Variants in ZFPM1 observed in about 807,000 individuals in gnomAD.
The protein encoded by ZFPM1 is zinc finger protein, FOG family member 1, also known as zinc finger protein ZFPM1.
Under a neutral mutation model 46.3 loss-of-function variants are expected in ZFPM1, and 28 were observed. That is an observed-to-expected ratio of 0.60 (90% confidence interval 0.45 to 0.83). The LOEUF is 0.83. Ranked by LOEUF, ZFPM1 falls within the 40% of genes least tolerant of loss-of-function variation. The pLI, the probability that ZFPM1 is intolerant of heterozygous loss-of-function variation, is 0.00. For synonymous variants in ZFPM1, 957 were observed against 675.9 expected (o/e 1.42, Z -6.45); for missense variants, 1,878 against 1,432.4 (o/e 1.31, Z -5.02).
At chr16:88,529,747 C>G (rs1912635473) in intron 6 of ZFPM1, among the ~76,000 whole-genome samples, 1 of 152,192 alleles carries the variant, frequency 6.6e-6, no homozygotes, top group African/African-American at 2.4e-5. Context: ...ACTACTGGTC[C>G]TGACAGTGCA....
In ZFPM1 at chr16:88,532,601, C is replaced by T; in HGVS notation, c.947-13C>T. 6.4e-7 allele frequency: 1 copy of T among 1,556,624 alleles called. No individual in the cohort carries two copies. Among genetic ancestry groups the T allele is most frequent in the Non-Finnish European group, 8.7e-7 (1 of 1,149,958 alleles). The stretch of plus-strand genomic sequence containing the variant: ...CTGGCCCGGGCACCGCTCTTACGCG[C>T]CCTGTGTTCCAGGAGAGCGGCCCTT... On this transcript the variant is annotated splice_polypyrimidine_tract_variant and intron_variant, in intron 7 of 9. Coordinates refer to ENST00000319555, the MANE Select transcript of ZFPM1 (RefSeq NM_153813.3).
intron 1 of ZFPM1, among the ~76,000 whole-genome samples, chr16:88,457,510 G>C (rs777415848): frequency 2.6e-5 from 4 of 152,246 alleles, no homozygotes; most frequent in Non-Finnish European, 5.9e-5. Context: ...CCTTGGCCCA[G>C]TTGCCTCGTC....
rs908543369 is a variant in ZFPM1, at chr16:88,533,929, C to A, written c.1971C>A (p.Gly657=). 2 of 1,246,534 alleles carry A rather than the reference C, an allele frequency of 1.6e-6. No homozygotes were observed. Among genetic ancestry groups the A allele is most frequent in the Admixed American group, 3.1e-5 (1 of 32,018 alleles). The allele number at this position is 1,246,534 out of a possible 1,614,324, so 77.2% of individuals were successfully genotyped here. Residue 657 remains glycine, a synonymous_variant, in exon 10 of 10, where the codon GGC becomes GGA. Transcript: ENST00000319555. The part of the protein sequence containing the change: ...GAGGAATPED[G]AGGRGSEGSQ... ...GGGGCGCGGCCACGCCCGAGGACGG[C>A]GCGGGCGGCCGGGGCAGCGAGGGCA...
intron 2 of ZFPM1, 45 bp from the exon 3 acceptor site, chr16:88,488,986 T>A (rs1909400440): frequency 1.3e-6 from 2 of 1,585,940 alleles, no homozygotes; most frequent in Admixed American, 3.4e-5. Flanking sequence ...GGCAGCTCAG[T>A]GCCCGGCACT....
chr16:88,487,180 T>TC (rs527314663), intron 2 of ZFPM1, among the ~76,000 whole-genome samples: 145 of 152,228 alleles, frequency 9.5e-4, no homozygotes, highest in African/African-American at 3.4e-3. Flanking sequence ...AGAAGGGGCC[T>TC]CCCTGGGACA....
At chr16:88,485,034 G>A (rs931280422) in intron 1 of ZFPM1, among the ~76,000 whole-genome samples, 5 of 152,214 alleles carry the variant, frequency 3.3e-5, no homozygotes, top group African/African-American at 4.8e-5. Flanking sequence ...GTCTGTGAGC[G>A]CCTCCTTTGT....
rs538452205 is a variant in ZFPM1, at chr16:88,471,416, G to T, written c.41-14523G>T. 6.6e-6 allele frequency among the ~76,000 whole-genome samples: 1 copy of T among 150,896 alleles called. No homozygotes were observed. Among genetic ancestry groups the T allele is most frequent in the Non-Finnish European group, 1.5e-5 (1 of 68,006 alleles). On this transcript the variant is annotated intron_variant, in intron 1 of 9. Transcript: ENST00000319555. The surrounding 1 kb of genome is among the most constrained non-coding windows in gnomAD (Gnocchi z 4.1). Reference sequence around the variant, plus strand: ...GCCCACAGTGGCTCCCACGCATAGTGGGGGGGCCAAGACCCCAAGATGACC... The same window carrying T: ...GCCCACAGTGGCTCCCACGCATAGTTGGGGGGCCAAGACCCCAAGATGACC...
At chr16:88,523,839 C>T (rs1246926710) in intron 4 of ZFPM1, among the ~76,000 whole-genome samples, 1 of 152,202 alleles carries the variant, frequency 6.6e-6, no homozygotes, top group Non-Finnish European at 1.5e-5. Flanking sequence ...ACCCTCCTTC[C>T]CCCTGCCCCT....
chr16:88,534,410 G>A lies in ZFPM1; in HGVS notation c.2452G>A (p.Glu818Lys), dbSNP rs754801110. Residue 818 changes from glutamate (E) to lysine (K), a missense_variant, in exon 10 of 10, where the codon GAG (glutamate) becomes AAG (lysine). By Grantham distance (56) the Glu-to-Lys change is moderately conservative. Coordinates refer to ENST00000319555, the MANE Select transcript of ZFPM1 (RefSeq NM_153813.3). The stretch of plus-strand genomic sequence containing the variant: ...GGCACCGGCGCTGGCCGACTACCAC[G>A]AGTGCACGGCCTGCCGCGTGAGCTT... Reference protein sequence around the residue: ...APAPALADYHECTACRVSFHS... With the variant: ...APAPALADYHKCTACRVSFHS... 3.9e-5 allele frequency: 58 copies of A among 1,485,558 alleles called. No individual in the cohort carries two copies. The highest frequency in any genetic ancestry group is 5.0e-5 in the Non-Finnish European group (56 of 1,124,664). The allele number at this position is 1,485,558 out of a possible 1,614,324, so 92.0% of individuals were successfully genotyped here.
chr16:88,498,227 C>T (rs140139602), intron 3 of ZFPM1, among the ~76,000 whole-genome samples: 84 of 152,136 alleles, frequency 5.5e-4, no homozygotes, highest in African/African-American at 1.9e-3. Flanking sequence ...CGCCCCACTT[C>T]ACAGCTGGGC....
upstream of ZFPM1, chr16:88,453,211 G>C (rs1240985170): frequency 6.8e-6 from 1 of 146,052 alleles, no homozygotes; most frequent in Non-Finnish European, 1.5e-5. Context: ...GGCGGGGCCG[G>C]AGCGCCGGGG....
At chr16:88,517,888 G>A (rs938227166) in intron 4 of ZFPM1, among the ~76,000 whole-genome samples, 2 of 152,022 alleles carry the variant, frequency 1.3e-5, no homozygotes, top group Non-Finnish European at 2.9e-5. Context: ...TGAGTGGATA[G>A]ATGAATGGAT....
In ZFPM1 at chr16:88,465,689, C is replaced by A. The variant is rs551028695; in HGVS notation, c.40+12011C>A. Among the ~76,000 whole-genome samples the A allele has an allele frequency of 2.6e-3, 393 of 152,336 alleles. 1 individual carries two copies. Among genetic ancestry groups the A allele is most frequent in the African/African-American group, 9.0e-3 (375 of 41,584 alleles). ...TGCATTGAGAAACCCTGTGTGCTCCCCGGCTTGGCTCCCACCCTGTCCCCA... is the reference window on the plus strand; with the variant it reads ...TGCATTGAGAAACCCTGTGTGCTCCACGGCTTGGCTCCCACCCTGTCCCCA... On this transcript the variant is annotated intron_variant, in intron 1 of 9. Transcript: ENST00000319555.
In ZFPM1 at chr16:88,505,585, G is replaced by A. The variant is rs376403986; in HGVS notation, c.269-8802G>A. 7.9e-5 allele frequency among the ~76,000 whole-genome samples: 12 copies of A among 152,286 alleles called. No individual in the cohort carries two copies. In the South Asian group the frequency reaches 1.9e-3, roughly 24 times the overall value. On this transcript the variant is annotated intron_variant, in intron 3 of 9. Coordinates refer to ENST00000319555, the MANE Select transcript of ZFPM1 (RefSeq NM_153813.3). Reference sequence around the variant, plus strand: ...GGGCCGGCATCGCCCTCCGCACGACGGCTTCCTGGGGTCCTGGCACGGTGC... The same window carrying A: ...GGGCCGGCATCGCCCTCCGCACGACAGCTTCCTGGGGTCCTGGCACGGTGC...
chr16:88,459,614 C>G (rs1207875823), intron 1 of ZFPM1, among the ~76,000 whole-genome samples: 1 of 121,172 alleles, frequency 8.3e-6, no homozygotes, highest in Non-Finnish European at 1.7e-5. Context: ...CCTCCCCCTC[C>G]TCTCCCTCCT....
intron 3 of ZFPM1, chr16:88,513,365 T>C (rs2142429047): frequency 6.6e-6 from 1 of 152,408 alleles, no homozygotes; most frequent in East Asian, 1.9e-4. Flanking sequence ...ATTTACATGT[T>C]ATCTCTGCCA....
intron 1 of ZFPM1, among the ~76,000 whole-genome samples, chr16:88,454,242 C>G (rs1194950301): frequency 6.6e-6 from 1 of 152,198 alleles, no homozygotes; most frequent in African/African-American, 2.4e-5. Context: ...CCACCGGTGC[C>G]GTCGCAGAGC....
intron 4 of ZFPM1, among the ~76,000 whole-genome samples, chr16:88,519,225 GTAGA>G (rs764917132): frequency 1.3e-5 from 2 of 148,172 alleles, no homozygotes; most frequent in African/African-American, 2.5e-5. Context: ...AGATGTGTAG[GTAGA>G]TGGATTGATG....
chr16:88,510,809 G>C (rs1030637426), intron 3 of ZFPM1, among the ~76,000 whole-genome samples: 1 of 152,162 alleles, frequency 6.6e-6, no homozygotes, highest in African/African-American at 2.4e-5. Context: ...GCCTACCCTT[G>C]GGCCAGTTGC....
Sources: allele counts gnomAD v4.1 joint callset (sites outside exome capture counted in the v4.1 genomes callset), GRCh38; gene constraint gnomAD v4.1.1; non-coding constraint Gnocchi (gnomAD v3.1); transcripts MANE v1.5; gene names NCBI Gene and HGNC (gene_info 2026-07-23, HGNC 2026-07-21).